ZFP30: variants seen among roughly 807,000 people sequenced by gnomAD.
ZFP30 encodes zinc finger protein 30 homolog.
ZFP30 carries 16 observed loss-of-function variants against 12.3 expected under a neutral mutation model. The observed-to-expected ratio is 1.30, with a 90% CI of 0.88 to 1.98. The LOEUF is 1.98. ZFP30 is among the 30% of genes most tolerant of loss of function. ZFP30 has a pLI of 0.00. For synonymous variants in ZFP30, 172 were observed against 201.0 expected, an observed-to-expected ratio of 0.86 and a Z score of 1.22; for missense variants, 560 against 611.2, an observed-to-expected ratio of 0.92 and a Z score of 0.88.
chr19:37,648,287 A>G (rs1469320252), intron 2 of ZFP30, among the ~76,000 whole-genome samples: 2 of 152,122 alleles, frequency 1.3e-5, no homozygotes, highest in Non-Finnish European at 2.9e-5. Context: ...TACACCATCT[A>G]AACCAAAACT....
chr19:37,654,501 G>A (rs150678516), intron 2 of ZFP30, among the ~76,000 whole-genome samples: 4 of 152,302 alleles, frequency 2.6e-5, no homozygotes, highest in African/African-American at 9.6e-5. Flanking sequence ...TGAATTTGCA[G>A]CCTACAGTTA....
intron 3 of ZFP30, among the ~76,000 whole-genome samples, chr19:37,647,416 G>A (rs1208095931): frequency 2.0e-5 from 3 of 152,256 alleles, no homozygotes; most frequent in Middle Eastern, 3.4e-3. Flanking sequence ...TAAGTCTCAC[G>A]GGATCTAATG....
chr19:37,644,317 T>A, intron 4 of ZFP30: 1 of 181,580 alleles, frequency 5.5e-6, no homozygotes, highest in Non-Finnish European at 1.1e-5. Context: ...GGGCAGATCA[T>A]GAGGTCAAGA....
In ZFP30 at chr19:37,635,466, A is replaced by T. The variant is rs1159506973; in HGVS notation, c.1075T>A (p.Cys359Ser). Reference protein sequence around the residue: ...TGEKPYDCKECGKTFSRGYHL... With the variant: ...TGEKPYDCKESGKTFSRGYHL... ...TAGCCACGACTGAAAGTCTTCCCAC[A>T]TTCCTTACAATCATAAGGCTTCTCA... Residue 359 changes from cysteine (C) to serine (S), a missense_variant, in exon 6 of 6, where the codon TGT (cysteine) becomes AGT (serine). Transcript: ENST00000684514. 6.2e-7 allele frequency: 1 copy of T among 1,614,142 alleles called. No individual in the cohort carries two copies. Among genetic ancestry groups the T allele is most frequent in the Non-Finnish European group, 8.5e-7 (1 of 1,180,042 alleles).
At chr19:37,643,820 T>C (rs2044486238) in intron 4 of ZFP30, among the ~76,000 whole-genome samples, 1 of 152,240 alleles carries the variant, frequency 6.6e-6, no homozygotes, top group South Asian at 2.1e-4. Flanking sequence ...TGCCAGGATA[T>C]GCATACAATA....
rs1599602445 is a variant in ZFP30, at chr19:37,631,720, G to A, written c.*3261C>T. ...AAAAAAGACAATAAGCATGAATTGA[G>A]ATGATACTGGGCCAGAATCGTATCT... is the stretch of plus-strand genomic sequence containing the variant. On this transcript the variant is annotated 3_prime_UTR_variant, in exon 6 of 6. Transcript: ENST00000684514. 6.7e-6 allele frequency: 1 copy of A among 148,194 alleles called. No homozygotes were observed. The highest frequency in any genetic ancestry group is 2.5e-5 in the African/African-American group (1 of 40,372). 9.2% of individuals were successfully genotyped at this position (148,194 alleles called of 1,614,324 possible).
chr19:37,648,336 C>T (rs1273080598), intron 2 of ZFP30, among the ~76,000 whole-genome samples: 1 of 152,156 alleles, frequency 6.6e-6, no homozygotes, highest in Admixed American at 6.5e-5. Flanking sequence ...CCTCCCCAAA[C>T]ATGAAGACAA....
chr19:37,648,760 T>C lies in ZFP30; in HGVS notation c.-77-861A>G, dbSNP rs137899453. On this transcript the variant is annotated intron_variant, in intron 2 of 5. Transcript: ENST00000684514. ...AAAGGCTATATAGCAGCCTTTATTA[T>C]GGCAAAACTGCAGGTGCACATTGGG... 6.0e-4 allele frequency among the ~76,000 whole-genome samples: 92 copies of C among 152,304 alleles called. 1 individual carries two copies. The East Asian group carries it at 0.015, about 25-fold the overall frequency.
At chr19:37,652,313 T>C (rs2044667249) in intron 2 of ZFP30, among the ~76,000 whole-genome samples, 1 of 152,188 alleles carries the variant, frequency 6.6e-6, no homozygotes, top group South Asian at 2.1e-4. Context: ...ACACCTGTAA[T>C]CCCAGCACTT....
At chr19:37,655,864 G>C (rs1033985501), upstream of ZFP30, 2 of 152,300 alleles carry the variant, frequency 1.3e-5, no homozygotes, top group Non-Finnish European at 2.9e-5. Context: ...CAAGCGCGCG[G>C]GGGGCGAACG....
intron 2 of ZFP30, among the ~76,000 whole-genome samples, chr19:37,653,479 G>C (rs899380843): frequency 6.6e-6 from 1 of 152,060 alleles, no homozygotes; most frequent in Non-Finnish European, 1.5e-5. Context: ...CTTTATTGTA[G>C]TATACAAGAT....
Position 37,644,751 on chromosome 19 carries a change from G to GC in ZFP30, c.10-16dup. ...ATCACCAAATCCTGAAATGATAAAC[G>GC]CATGTATTATTTGTAAGATAAATGA... On this transcript the variant is annotated splice_polypyrimidine_tract_variant and intron_variant, in intron 3 of 5. Transcript: ENST00000684514. The GC allele has an allele frequency of 6.3e-7, 1 of 1,599,626 alleles. No individual in the cohort carries two copies. Among genetic ancestry groups the GC allele is most frequent in the East Asian group, 2.2e-5 (1 of 44,534 alleles).
chr19:37,652,334 A>C (rs2044667453), intron 2 of ZFP30, among the ~76,000 whole-genome samples: 1 of 152,184 alleles, frequency 6.6e-6, no homozygotes, highest in African/African-American at 2.4e-5. Context: ...TGGGAGGCTG[A>C]GGCAGGTGGA....
intron 5 of ZFP30, among the ~76,000 whole-genome samples, chr19:37,641,965 T>C (rs1010248422): frequency 2.6e-5 from 4 of 152,248 alleles, no homozygotes; most frequent in African/African-American, 4.8e-5. Context: ...TTCCCGTAAG[T>C]TGGCAATTGG....
In ZFP30 at chr19:37,635,411, G is replaced by A. The variant is rs1290871530; in HGVS notation, c.1130C>T (p.Thr377Ile). 1 of 1,613,942 alleles carries A rather than the reference G, an allele frequency of 6.2e-7. No individual in the cohort carries two copies. Among genetic ancestry groups the A allele is most frequent in the African/African-American group, 1.3e-5 (1 of 74,880 alleles). ...CTTACATTCATAGGGCTTTTCACCA[G>A]TATGTATTCTCTGATGGAGAGTTAG... ...YHLTLHQRIH[T>I]GEKPYECKEC... Residue 377 changes from threonine to isoleucine, a missense_variant, in exon 6 of 6, where the codon ACT becomes ATT. By Grantham distance (89) the Thr-to-Ile change is moderately conservative. Transcript: ENST00000684514.
intron 2 of ZFP30, among the ~76,000 whole-genome samples, chr19:37,653,493 T>C: frequency 6.6e-6 from 1 of 152,252 alleles, no homozygotes; most frequent in Admixed American, 6.5e-5. Context: ...ACAAGATTCA[T>C]ATGTAACAAT....
At chr19:37,636,541 T>A (rs2044331443) in intron 5 of ZFP30, among the ~76,000 whole-genome samples, 1 of 152,148 alleles carries the variant, frequency 6.6e-6, no homozygotes. Context: ...GACTCCCCAC[T>A]TAAATTTTTC....
At position 37,635,879 on chromosome 19, in the gene ZFP30, T is replaced by C; in HGVS notation, c.662A>G (p.Lys221Arg). The change falls in exon 6 of 6, where the codon AAG becomes AGG. Residue 221 changes from lysine to arginine, a missense_variant. Transcript: ENST00000684514. ...AAGGTCTGAGCCACATGTGAAGATC[T>C]TTCCACATTTTTTACATTCATAGAG... ...DKLYECKKCG[K>R]IFTCGSDLRV... 1 of 1,614,194 alleles carries C rather than the reference T, an allele frequency of 6.2e-7. No individual in the cohort carries two copies. Among genetic ancestry groups the C allele is most frequent in the East Asian group, 2.2e-5 (1 of 44,880 alleles).
At chr19:37,655,843 C>A (rs1210040765), upstream of ZFP30, 1 of 150,320 alleles carries the variant, frequency 6.7e-6, no homozygotes, top group Admixed American at 6.6e-5. Context: ...TCGGCTTCTG[C>A]CTCGAGTGCG....
Sources: gnomAD v4.1 joint callset for allele counts (sites outside exome capture counted in the v4.1 genomes callset) on GRCh38, gnomAD v4.1.1 for gene constraint, MANE v1.5 for transcripts, NCBI Gene and HGNC (gene_info 2026-07-23, HGNC 2026-07-21) for gene names.